The following ABCA7 variants were observed in gnomAD, a reference collection of about 807,000 sequenced individuals.
ABCA7 encodes phospholipid-transporting ATPase ABCA7.
Under a neutral mutation model 227.6 loss-of-function variants are expected in ABCA7, and 261 were observed. The ratio of observed to expected loss-of-function variants is 1.15; its 90% CI spans 1.04 to 1.27. ABCA7 has a LOEUF of 1.27. Among genes scored for constraint, ABCA7 ranks in the 50% most tolerant of loss-of-function variants. The pLI is 0.00. For synonymous variants in ABCA7, 1,488 were observed against 1,279.7 expected, an observed-to-expected ratio of 1.16 and a Z score of -3.47; for missense variants, 3,331 against 2,924.5, an observed-to-expected ratio of 1.14 and a Z score of -3.21.
Position 1,056,154 on chromosome 19 carries a change from C to A in ABCA7, c.4327C>A (p.Leu1443Met), listed in dbSNP as rs2042235026. ...GRSVEELWAL[L>M]SPLPGGALDR... ...CTCAGTGGAGGAGTTGTGGGCGCTG[C>A]TGAGTCCCCTGCCTGGCGGGGCCCT... Residue 1443 changes from leucine (L) to methionine (M), a missense_variant, in exon 32 of 47, where the codon CTG (leucine) becomes ATG (methionine). Coordinates refer to ENST00000263094, the MANE Select transcript of ABCA7 (RefSeq NM_019112.4). The surrounding 1 kb of genome is among the most constrained non-coding windows in gnomAD (Gnocchi z 4.3). The A allele has an allele frequency of 1.2e-6, 2 of 1,609,376 alleles. No individual in the cohort carries two copies. The highest frequency in any genetic ancestry group is 1.7e-6 in the Non-Finnish European group (2 of 1,179,474).
In ABCA7 at chr19:1,053,352, G is replaced by A. The variant is rs759948768; in HGVS notation, c.3244G>A (p.Val1082Ile). 6.2e-7 allele frequency: 1 copy of A among 1,609,608 alleles called. No individual in the cohort carries two copies. The highest frequency in any genetic ancestry group is 8.5e-7 in the Non-Finnish European group (1 of 1,179,540). ...RVGTPQLLAL[V>I]QHWVPGARLV... ...AGGCACTCCTCAGCTGCTGGCCCTG[G>A]TACAGCACTGGGTGCCCGGGGCACG... Residue 1082 changes from valine to isoleucine, a missense_variant, in exon 24 of 47, where the codon GTA (valine) becomes ATA (isoleucine). By Grantham distance (29) the Val-to-Ile change is conservative. Transcript: ENST00000263094.
chr19:1,053,280 G>A lies in ABCA7; in HGVS notation c.3221-49G>A, dbSNP rs1205923374. 1.9e-6 allele frequency: 3 copies of A among 1,562,014 alleles called. No individual in the cohort carries two copies. In the South Asian group the frequency reaches 3.5e-5, roughly 18 times the overall value. ...CAATGCCTCTTCCCCAGGGAGACTG[G>A]GGTGGGGCGTGAGCCGGGGCTCCCT... On this transcript the variant is annotated intron_variant, in intron 23 of 46. Coordinates refer to ENST00000263094, the MANE Select transcript of ABCA7 (RefSeq NM_019112.4).
At chr19:1,052,730 G>C (rs1384879549) in intron 23 of ABCA7, among the ~76,000 whole-genome samples, 7 of 149,426 alleles carry the variant, frequency 4.7e-5, no homozygotes, top group African/African-American at 1.7e-4. Context: ...AGGAGAAGGA[G>C]AGGAGGAGGA....
chr19:1,051,122 T>C lies in ABCA7; in HGVS notation c.2685-33T>C, dbSNP rs766178896. ...ACGCCCTCTGGGACTCTGCCTGCCA[T>C]GTGGGTCACTCTGCTCTGTGCACTG... On this transcript the variant is annotated intron_variant, in intron 19 of 46. Coordinates refer to ENST00000263094, the MANE Select transcript of ABCA7 (RefSeq NM_019112.4). 5.0e-6 allele frequency: 8 copies of C among 1,610,078 alleles called. No individual in the cohort carries two copies. In the Admixed American group the frequency reaches 8.3e-5, roughly 17 times the overall value.
intron 9 of ABCA7, 77 bp from the exon 10 acceptor site, chr19:1,043,648 A>G: frequency 6.5e-7 from 1 of 1,541,630 alleles, no homozygotes; most frequent in Non-Finnish European, 8.9e-7. Context: ...ACGCAGGAGC[A>G]AGGCAGAGGG....
intron 40 of ABCA7, among the ~76,000 whole-genome samples, chr19:1,059,633 G>A (rs1171047521): frequency 3.4e-4 from 39 of 115,840 alleles, no homozygotes; most frequent in South Asian, 8.7e-4. Flanking sequence ...GTGAGATCTC[G>A]GCTCACTACA....
At chr19:1,059,213 C>T in intron 40 of ABCA7, 128 bp downstream of exon 40, 1 of 712,706 alleles carries the variant, frequency 1.4e-6, no homozygotes. Flanking sequence ...TACTGTATGC[C>T]AATATTTGTG....
Position 1,049,378 on chromosome 19 carries a change from C to A in ABCA7, c.2493C>A (p.Phe831Leu), listed in dbSNP as rs757503546. ...CCCTGCGGGGGCTCAGCCTGGACTTCTACCAGGGCCACATCACCGCCTTCC... is the reference window on the plus strand; with the variant it reads ...CCCTGCGGGGGCTCAGCCTGGACTTATACCAGGGCCACATCACCGCCTTCC... ...QPALRGLSLD[F>L]YQGHITAFLG... The change falls in exon 18 of 47, where the codon TTC (phenylalanine) becomes TTA (leucine). Residue 831 changes from phenylalanine (F) to leucine (L), a missense_variant. By Grantham distance (22) the Phe-to-Leu change is conservative. Transcript: ENST00000263094. 4 of 1,611,196 alleles carry A rather than the reference C, an allele frequency of 2.5e-6. No homozygotes were observed. In the East Asian group the frequency reaches 8.9e-5, roughly 36 times the overall value.
In ABCA7 at chr19:1,046,810, G is replaced by A. The variant is rs1247986230; in HGVS notation, c.1631G>A (p.Arg544His). The part of the protein sequence containing the change: ...YPCYVDDVFL[R>H]VLSRSLPLFL... Reference sequence around the variant, plus strand: ...AGCCGTCCCCACCCCAGGTTCCTGCGTGTGCTGAGCCGGTCGCTGCCGCTC... The same window carrying A: ...AGCCGTCCCCACCCCAGGTTCCTGCATGTGCTGAGCCGGTCGCTGCCGCTC... Residue 544 changes from arginine (R) to histidine (H), a missense_variant, in exon 14 of 47, where the codon CGT becomes CAT. By Grantham distance (29) the Arg-to-His change is conservative. Coordinates refer to ENST00000263094, the MANE Select transcript of ABCA7 (RefSeq NM_019112.4). 8.5e-6 allele frequency: 13 copies of A among 1,537,626 alleles called. No individual in the cohort carries two copies. Among genetic ancestry groups the A allele is most frequent in the Admixed American group, 2.0e-5 (1 of 50,984 alleles).
chr19:1,051,677 G>A, intron 21 of ABCA7, 91 bp downstream of exon 21: 1 of 1,309,668 alleles, frequency 7.6e-7, no homozygotes, highest in East Asian at 2.5e-5. Flanking sequence ...GTAGGAGTTT[G>A]CTACATGTGG....
intron 6 of ABCA7, 49 bp from the exon 7 acceptor site, chr19:1,042,697 C>G: frequency 6.4e-7 from 1 of 1,572,576 alleles, no homozygotes; most frequent in Non-Finnish European, 8.8e-7. Context: ...GCGCTGGACC[C>G]CTAGTGAGTG....
chr19:1,051,100 C>T (rs774420844), intron 19 of ABCA7, 48 bp downstream of exon 19: 2 of 1,611,330 alleles, frequency 1.2e-6, no homozygotes, highest in Middle Eastern at 1.7e-4. Context: ...GGACTGGACG[C>T]CCTCTGGGAC....
intron 30 of ABCA7, 148 bp from the exon 31 acceptor site, chr19:1,055,758 TC>T: frequency 1.3e-6 from 1 of 773,476 alleles, no homozygotes; most frequent in Non-Finnish European, 1.9e-6. Context: ...CGCCTTGGCC[TC>T]CCAAAGTGTT....
chr19:1,043,103 C>A lies in ABCA7; in HGVS notation c.642C>A (p.Ser214Arg), dbSNP rs889068131. The change falls in exon 8 of 47, where the codon AGC (serine) becomes AGA (arginine). Residue 214 changes from serine to arginine, a missense_variant. Physicochemically the swap from Ser to Arg is moderately radical, Grantham distance 110. Transcript: ENST00000263094. ...RALLQRPRGT[S>R]GPLELLSEAL... ...TGCTGCAGAGACCCCGAGGGACCAG[C>A]GGCCCCCTGGAGTTGCTGTCAGAGG... 6.2e-7 allele frequency: 1 copy of A among 1,612,446 alleles called. No homozygotes were observed. The highest frequency in any genetic ancestry group is 8.5e-7 in the Non-Finnish European group (1 of 1,179,538).
intron 10 of ABCA7, among the ~76,000 whole-genome samples, chr19:1,044,263 T>A (rs1347514979): frequency 1.9e-5 from 2 of 104,554 alleles, no homozygotes. Flanking sequence ...TTTTTTTTTT[T>A]AAGAGATGGA....
chr19:1,048,862 G>A, intron 16 of ABCA7, 33 bp from the exon 17 acceptor site: 1 of 1,334,332 alleles, frequency 7.5e-7, no homozygotes, highest in South Asian at 1.3e-5. Flanking sequence ...CCTGGGGGGT[G>A]GGCTAAGCAA....
At chr19:1,044,830 A>T in intron 11 of ABCA7, 86 bp downstream of exon 11, 1 of 1,489,020 alleles carries the variant, frequency 6.7e-7, no homozygotes, top group Admixed American at 2.1e-5. Context: ...TCCCAGGGGG[A>T]GGCGGGCCCG....
intron 42 of ABCA7, among the ~76,000 whole-genome samples, chr19:1,063,109 G>A (rs113423291): frequency 8.3e-6 from 1 of 120,444 alleles, no homozygotes; most frequent in African/African-American, 3.3e-5. Context: ...CCATGGCCCC[G>A]CCGCATACTC....
In ABCA7 at chr19:1,056,186, T is replaced by C. The variant is rs774074222; in HGVS notation, c.4359T>C (p.Arg1453=). The C allele has an allele frequency of 3.6e-5, 58 of 1,606,940 alleles. No homozygotes were observed. Among genetic ancestry groups the C allele is most frequent in the Non-Finnish European group, 4.9e-5 (58 of 1,178,358 alleles). ...LSPLPGGALD[R]VLKNLTAWAH... ...CCCTGCCTGGCGGGGCCCTCGACCG[T>C]GTCCTGAAAAACCTCACAGCCTGGG... Residue 1453 remains arginine (R), a synonymous_variant, in exon 32 of 47, where the codon CGT becomes CGC. Transcript: ENST00000263094. The surrounding 1 kb of genome is among the most constrained non-coding windows in gnomAD (Gnocchi z 4.3).
Sources: allele counts gnomAD v4.1 joint callset (sites outside exome capture counted in the v4.1 genomes callset), GRCh38; gene constraint gnomAD v4.1.1; non-coding constraint Gnocchi (gnomAD v3.1); transcripts MANE v1.5; gene names NCBI Gene and HGNC (gene_info 2026-07-23, HGNC 2026-07-21).